GALNT14: variants seen among roughly 807,000 people sequenced by gnomAD.
GALNT14 encodes the protein UDP-GalNAc:polypeptide N-acetylgalactosaminyltransferase 14.
In GALNT14, 60 loss-of-function variants were observed where a neutral mutation model predicts 77.5. That is an observed-to-expected ratio of 0.77 (90% confidence interval 0.63 to 0.96). The LOEUF is 0.96. GALNT14 is among the 40% of genes least tolerant of loss of function. The pLI, the probability that GALNT14 is intolerant of heterozygous loss-of-function variation, is 0.00. For synonymous variants in GALNT14, 280 were observed against 281.7 expected (o/e 0.99, Z 0.06); for missense variants, 710 against 731.0 (o/e 0.97, Z 0.33).
chr2:31,042,389 T>C (rs941582006), intron 1 of GALNT14, among the ~76,000 whole-genome samples: 2 of 152,092 alleles, frequency 1.3e-5, no homozygotes, highest in African/African-American at 2.4e-5. Context: ...ATGAAAGAAA[T>C]GATGAATCAT....
chr2:31,087,711 A>G (rs998536747), intron 1 of GALNT14, among the ~76,000 whole-genome samples: 24 of 152,326 alleles, frequency 1.6e-4, no homozygotes, highest in Middle Eastern at 3.4e-3. Context: ...TGCTATTGAG[A>G]GACAGAGAGG....
intron 2 of GALNT14, among the ~76,000 whole-genome samples, chr2:30,975,185 G>A (rs987553356): frequency 2.0e-5 from 3 of 152,218 alleles, no homozygotes; most frequent in African/African-American, 4.8e-5. Context: ...CCGTGGAGAG[G>A]TCTTAAGTTT....
chr2:30,929,312 G>T, intron 11 of GALNT14, 83 bp downstream of exon 11: 2 of 1,030,536 alleles, frequency 1.9e-6, no homozygotes, highest in Non-Finnish European at 3.0e-6. Context: ...AAGCTGACTG[G>T]CCTATCGGCA....
intron 1 of GALNT14, among the ~76,000 whole-genome samples, chr2:31,126,180 G>A (rs1456204271): frequency 6.6e-6 from 1 of 152,178 alleles, no homozygotes; most frequent in Non-Finnish European, 1.5e-5. Context: ...AGCTTCTGAT[G>A]TAAGACTATT....
rs869234873 is a variant in GALNT14, at chr2:30,989,581, T to TAA, written c.299+3255_299+3256dup. 1.7e-4 allele frequency among the ~76,000 whole-genome samples: 18 copies of TAA among 108,172 alleles called. 1 individual carries two copies. Among genetic ancestry groups the TAA allele is most frequent in the African/African-American group, 5.7e-4 (12 of 20,880 alleles). 71.0% of individuals were successfully genotyped at this position (108,172 alleles called of 152,430 possible). A position where few individuals can be genotyped will look rare whatever the true frequency, so the allele number is the denominator to read the frequency against. ...TACCTTATATATATATATATATATA[T>TAA]AAAAATATATATATTAGTAGATATA... On this transcript the variant is annotated intron_variant, in intron 2 of 14. Coordinates refer to ENST00000349752, the MANE Select transcript of GALNT14 (RefSeq NM_024572.4).
At chr2:31,048,331 T>C (rs1673613003) in intron 1 of GALNT14, among the ~76,000 whole-genome samples, 1 of 152,166 alleles carries the variant, frequency 6.6e-6, no homozygotes, top group East Asian at 1.9e-4. Flanking sequence ...GGCTTTTGAA[T>C]AGGGGACACA....
chr2:31,069,359 A>G (rs1675196814), intron 1 of GALNT14, among the ~76,000 whole-genome samples: 1 of 152,220 alleles, frequency 6.6e-6, no homozygotes, highest in African/African-American at 2.4e-5. Flanking sequence ...GACAGTCTGA[A>G]TCTGCCCTCT....
intron 1 of GALNT14, among the ~76,000 whole-genome samples, chr2:31,114,011 G>GCA (rs1183992651): frequency 5.3e-5 from 8 of 152,070 alleles, no homozygotes; most frequent in Admixed American, 5.2e-4. Flanking sequence ...TCCCAGATAA[G>GCA]CACAACAAAG....
the GALNT14 span, among the ~76,000 whole-genome samples, chr2:30,892,579 A>G: frequency 1.3e-5 from 2 of 152,224 alleles, no homozygotes; most frequent in Admixed American, 1.3e-4. Flanking sequence ...CTTTTCCAGC[A>G]TGTTGGTATA....
intron 2 of GALNT14, chr2:30,986,981 G>C (rs1669339466): frequency 6.6e-6 from 1 of 152,202 alleles, no homozygotes; most frequent in South Asian, 2.1e-4. Context: ...GGAATGAAGA[G>C]ACCATAAATG....
At chr2:30,978,530 G>C (rs1050130414) in intron 2 of GALNT14, among the ~76,000 whole-genome samples, 1 of 152,162 alleles carries the variant, frequency 6.6e-6, no homozygotes, top group East Asian at 1.9e-4. Flanking sequence ...TGATCAATAC[G>C]TGTTTGCCAA....
chr2:30,958,243 T>G (rs1475257158), intron 4 of GALNT14, among the ~76,000 whole-genome samples, 154 bp downstream of exon 4: 1 of 152,200 alleles, frequency 6.6e-6, no homozygotes, highest in Non-Finnish European at 1.5e-5. Context: ...TCTCTCCTTC[T>G]GAGCCTAGCC....
chr2:31,103,188 G>A (rs72795214), intron 1 of GALNT14, among the ~76,000 whole-genome samples: 4,942 of 149,600 alleles, frequency 0.033, 117 homozygotes, highest in Non-Finnish European at 0.052. Context: ...CATTATTTTC[G>A]TCTTTCTGTG....
At chr2:31,102,601 C>A (rs1349354205) in intron 1 of GALNT14, among the ~76,000 whole-genome samples, 1 of 152,066 alleles carries the variant, frequency 6.6e-6, no homozygotes, top group Non-Finnish European at 1.5e-5. Flanking sequence ...GTTTCATAGA[C>A]CCTTGAAAGA....
At chr2:31,053,226 G>C (rs1467124776) in intron 1 of GALNT14, among the ~76,000 whole-genome samples, 1 of 152,094 alleles carries the variant, frequency 6.6e-6, no homozygotes, top group Non-Finnish European at 1.5e-5. Context: ...CAGGTTCTTT[G>C]CCTGTCCTCA....
intron 1 of GALNT14, among the ~76,000 whole-genome samples, chr2:31,068,566 TTGAATAG>T (rs1226677436): frequency 4.0e-5 from 6 of 151,748 alleles, no homozygotes; most frequent in Non-Finnish European, 7.4e-5. Flanking sequence ...CAAATGCATT[TTGAATAG>T]TGCAGAGCTA....
At chr2:31,064,174 G>A (rs937434593) in intron 1 of GALNT14, among the ~76,000 whole-genome samples, 1 of 152,164 alleles carries the variant, frequency 6.6e-6, no homozygotes, top group Non-Finnish European at 1.5e-5. Flanking sequence ...TTTGAGTAGG[G>A]ATAGAGACTG....
intron 1 of GALNT14, among the ~76,000 whole-genome samples, chr2:31,059,920 G>C (rs138041398): frequency 3.7e-4 from 56 of 152,234 alleles, no homozygotes; most frequent in African/African-American, 1.3e-3. Flanking sequence ...TGTTATAGCA[G>C]TCCAAGCAGA....
At chr2:30,906,472 A>G (rs1225047553), downstream of GALNT14, among the ~76,000 whole-genome samples, 2 of 150,110 alleles carry the variant, frequency 1.3e-5, no homozygotes, top group Admixed American at 6.6e-5. Context: ...AGGCCATTAC[A>G]TAATGGTAAA....
Sources: gnomAD v4.1 joint callset for allele counts (sites outside exome capture counted in the v4.1 genomes callset) on GRCh38, gnomAD v4.1.1 for gene constraint, MANE v1.5 for transcripts, NCBI Gene and HGNC (gene_info 2026-07-23, HGNC 2026-07-21) for gene names.